Variants in ADCY8 observed in about 807,000 individuals in gnomAD.
ADCY8 encodes the protein adenylate cyclase 8, also known as adenylate cyclase type 8.
Under a neutral mutation model 119.7 loss-of-function variants are expected in ADCY8, and 51 were observed. The observed-to-expected ratio is 0.43, with a 90% CI of 0.34 to 0.54. The LOEUF (loss-of-function observed/expected upper bound fraction) is 0.54, where lower values mean the gene tolerates loss of function less well. ADCY8 is among the 20% of genes least tolerant of loss of function. ADCY8 has a pLI of 0.03. For synonymous variants in ADCY8, 665 were observed against 651.0 expected (o/e 1.02, Z -0.33); for missense variants, 1,383 against 1,598.8 (o/e 0.87, Z 2.30).
In ADCY8 at chr8:130,780,589, A is replaced by T; in HGVS notation, c.3557T>A (p.Leu1186Gln). The change falls in exon 18 of 18, where the codon CTG becomes CAG. Residue 1186 changes from leucine to glutamine, a missense_variant. Leu to Gln is a moderately radical substitution (Grantham distance 113). Around this residue, in one of 2 missense-constraint regions of ADCY8, gnomAD observed 928 missense variants for 1,163.5 expected, o/e 0.80. Transcript: ENST00000286355. ...CGCGGCCAGGGAGTACTGCCCAGGCAGTCTTCTTGGGGGCAAGATGAATGG... is the reference window on the plus strand; with the variant it reads ...CGCGGCCAGGGAGTACTGCCCAGGCTGTCTTCTTGGGGGCAAGATGAATGG... ...PNPFILPPRR[L>Q]PGQYSLAAVV... The T allele has an allele frequency of 3.1e-6, 5 of 1,614,192 alleles. No homozygotes were observed. Among genetic ancestry groups the T allele is most frequent in the Non-Finnish European group, 4.2e-6 (5 of 1,180,022 alleles).
chr8:130,968,348 T>G (rs563634626), intron 2 of ADCY8, among the ~76,000 whole-genome samples: 1 of 152,236 alleles, frequency 6.6e-6, no homozygotes, highest in South Asian at 2.1e-4. Flanking sequence ...TTTTGGTATT[T>G]TTTTAGTAGA....
chr8:130,832,509 C>T (rs1438761270), intron 12 of ADCY8, among the ~76,000 whole-genome samples: 6 of 152,154 alleles, frequency 3.9e-5, no homozygotes, highest in South Asian at 2.1e-4. Flanking sequence ...AATTCACTAC[C>T]GAGTGACTAT....
At chr8:130,943,307 C>T (rs772641728) in intron 4 of ADCY8, 44 bp downstream of exon 4, 1 of 1,345,298 alleles carries the variant, frequency 7.4e-7, no homozygotes, top group Non-Finnish European at 1.1e-6. Context: ...ATATGCAGTC[C>T]CTCACTCCTG....
intron 1 of ADCY8, among the ~76,000 whole-genome samples, chr8:131,026,575 C>T (rs1823831040): frequency 6.6e-6 from 1 of 152,140 alleles, no homozygotes; most frequent in Non-Finnish European, 1.5e-5. Flanking sequence ...CTGCAGACTG[C>T]AAGCATCCAT....
intron 5 of ADCY8, among the ~76,000 whole-genome samples, chr8:130,912,788 T>A (rs1386159221): frequency 6.6e-6 from 1 of 152,186 alleles, no homozygotes; most frequent in East Asian, 1.9e-4. Flanking sequence ...GTCATTGTTT[T>A]TACTTTAACT....
intron 2 of ADCY8, among the ~76,000 whole-genome samples, chr8:130,977,074 A>G (rs926034480): frequency 2.6e-5 from 4 of 152,194 alleles, no homozygotes; most frequent in Non-Finnish European, 5.9e-5. Flanking sequence ...TCCGAAACAG[A>G]AATTGATCAG....
chr8:130,845,687 T>C (rs183670973), intron 11 of ADCY8, among the ~76,000 whole-genome samples: 4 of 152,272 alleles, frequency 2.6e-5, no homozygotes, highest in Admixed American at 2.6e-4. Flanking sequence ...GGGCACATGG[T>C]CTGGCCCATG....
rs530995966 is a variant in ADCY8 at position 130,862,665 on chromosome 8, G to A, written c.2210+5181C>T. On this transcript the variant is annotated intron_variant, in intron 9 of 17. Transcript: ENST00000286355. Reference sequence around the variant, plus strand: ...CCTGACCTCGTGATCTGCCCGCCTCGGCCTCCCAAAGTGCTGGGATTACAG... The same window carrying A: ...CCTGACCTCGTGATCTGCCCGCCTCAGCCTCCCAAAGTGCTGGGATTACAG... Among the ~76,000 whole-genome samples the A allele has an allele frequency of 1.2e-3, 181 of 152,134 alleles. 1 individual carries two copies. The highest frequency in any genetic ancestry group is 3.4e-3 in the Middle Eastern group (1 of 294).
intron 2 of ADCY8, among the ~76,000 whole-genome samples, chr8:130,975,921 A>G (rs1407556004): frequency 6.6e-6 from 1 of 152,208 alleles, no homozygotes; most frequent in Non-Finnish European, 1.5e-5. Context: ...AATTACTTTT[A>G]TACTATAGTA....
At chr8:130,962,031 C>G (rs1821622030) in intron 2 of ADCY8, among the ~76,000 whole-genome samples, 1 of 152,172 alleles carries the variant, frequency 6.6e-6, no homozygotes, top group Non-Finnish European at 1.5e-5. Context: ...ATTAGATCCT[C>G]AAGTCATCGA....
intron 5 of ADCY8, among the ~76,000 whole-genome samples, chr8:130,918,586 G>C (rs1327847239): frequency 6.6e-6 from 1 of 152,040 alleles, no homozygotes; most frequent in Non-Finnish European, 1.5e-5. Flanking sequence ...TATTTGTTTT[G>C]TTTCTTGTCA....
chr8:130,803,075 T>C (rs915524436), intron 14 of ADCY8, among the ~76,000 whole-genome samples: 3 of 152,218 alleles, frequency 2.0e-5, no homozygotes, highest in Admixed American at 2.0e-4. Flanking sequence ...GCTGAGTAAA[T>C]TACTTGCATT....
At chr8:130,844,035 T>G (rs957104786) in intron 11 of ADCY8, among the ~76,000 whole-genome samples, 2 of 152,152 alleles carry the variant, frequency 1.3e-5, no homozygotes, top group African/African-American at 4.8e-5. Flanking sequence ...AAGACACAGA[T>G]GATCACATCT....
intron 9 of ADCY8, among the ~76,000 whole-genome samples, chr8:130,861,049 T>C (rs563588239): frequency 6.6e-6 from 1 of 152,370 alleles, no homozygotes; most frequent in South Asian, 2.1e-4. Flanking sequence ...GGGGCTTTTC[T>C]TTCTGTTCTA....
Position 130,990,450 on chromosome 8 carries a change from C to A in ADCY8, c.1053G>T (p.Leu351=). 6.2e-7 allele frequency: 1 copy of A among 1,614,196 alleles called. No homozygotes were observed. ...TGGCCTCCACACACCTCCGAGTCTC[C>A]AGGAAAGCTTGGCGCTGGGCCCGGT... is the stretch of plus-strand genomic sequence containing the variant. ...LSDRAQRQAF[L]ETRRCVEARL... Residue 351 remains leucine (L), a synonymous_variant, in exon 2 of 18, where the codon CTG becomes CTT. Coordinates refer to ENST00000286355, the MANE Select transcript of ADCY8 (RefSeq NM_001115.3).
At chr8:130,810,024 A>G (rs1359768062) in intron 14 of ADCY8, among the ~76,000 whole-genome samples, 1 of 152,218 alleles carries the variant, frequency 6.6e-6, no homozygotes, top group Non-Finnish European at 1.5e-5. Context: ...GGCTTTGTGC[A>G]TCACACAACT....
chr8:130,869,955 T>TATTCTTC (rs1818282092), intron 8 of ADCY8, among the ~76,000 whole-genome samples: 1 of 116,068 alleles, frequency 8.6e-6, no homozygotes, highest in Admixed American at 7.8e-5. Flanking sequence ...TTCTTCTTCT[T>TATTCTTC]CTTCTTCCTT....
chr8:131,014,151 T>C (rs1404060432), intron 1 of ADCY8, among the ~76,000 whole-genome samples: 2 of 152,190 alleles, frequency 1.3e-5, no homozygotes. Flanking sequence ...AAATTGGTGA[T>C]CTAGCTAAAG....
chr8:130,897,299 G>A (rs1396974266), intron 7 of ADCY8, among the ~76,000 whole-genome samples: 1 of 152,024 alleles, frequency 6.6e-6, no homozygotes, highest in Non-Finnish European at 1.5e-5. Context: ...CAAGATCTAA[G>A]AAAAGTCCCA....
Sources: gnomAD v4.1 joint callset for allele counts (sites outside exome capture counted in the v4.1 genomes callset) on GRCh38, gnomAD v4.1.1 for gene constraint, gnomAD v4.1.1 regional missense constraint, MANE v1.5 for transcripts, NCBI Gene and HGNC (gene_info 2026-07-23, HGNC 2026-07-21) for gene names.